Variants in RALGPS1 observed in about 807,000 individuals in gnomAD.
The protein encoded by RALGPS1 is Ral GEF with PH domain and SH3 binding motif 1, also known as ras-specific guanine nucleotide-releasing factor RalGPS1.
In RALGPS1, 19 loss-of-function variants were observed where a neutral mutation model predicts 78.8. That is an observed-to-expected ratio of 0.24 (90% confidence interval 0.17 to 0.35). The LOEUF (loss-of-function observed/expected upper bound fraction) is 0.35, where lower values mean the gene tolerates loss of function less well. Ranked by LOEUF, RALGPS1 falls within the 10% of genes least tolerant of loss-of-function variation. RALGPS1 has a pLI of 1.00. For missense variants in RALGPS1, 454 were observed against 688.3 expected (o/e 0.66, Z 3.81); for synonymous variants, 228 against 256.3 (o/e 0.89, Z 1.06).
intron 5 of RALGPS1, among the ~76,000 whole-genome samples, chr9:127,044,765 T>G (rs1319511010): frequency 1.3e-5 from 2 of 152,132 alleles, no homozygotes; most frequent in South Asian, 4.1e-4. Flanking sequence ...CCAGTGTGTG[T>G]TGTTCCCATC....
intron 4 of RALGPS1, among the ~76,000 whole-genome samples, chr9:127,014,066 C>T (rs925988964): frequency 7.9e-5 from 12 of 152,296 alleles, no homozygotes; most frequent in African/African-American, 2.9e-4. Context: ...GGAGGCACTC[C>T]GTGAAGACTG....
At chr9:127,206,795 A>G (rs2061957766) in intron 14 of RALGPS1, among the ~76,000 whole-genome samples, 1 of 152,034 alleles carries the variant, frequency 6.6e-6, no homozygotes, top group African/African-American at 2.4e-5. Flanking sequence ...CTACAACCTA[A>G]TGTGTACCTA....
At chr9:127,215,322 TGTTTGAGC>T (rs2062515945) in intron 18 of RALGPS1, among the ~76,000 whole-genome samples, 1 of 152,190 alleles carries the variant, frequency 6.6e-6, no homozygotes, top group Admixed American at 6.5e-5. Flanking sequence ...CTTCTCAGTG[TGTTTGAGC>T]CAGCAGGATC....
chr9:127,073,321 G>A (rs1424697308), intron 8 of RALGPS1, among the ~76,000 whole-genome samples: 3 of 152,070 alleles, frequency 2.0e-5, no homozygotes, highest in African/African-American at 7.2e-5. Flanking sequence ...GCACATATGA[G>A]TGAGAACATG....
intron 4 of RALGPS1, among the ~76,000 whole-genome samples, chr9:126,988,967 G>GGCC (rs2042042721): frequency 6.6e-6 from 1 of 152,130 alleles, no homozygotes; most frequent in Non-Finnish European, 1.5e-5. Context: ...GACAGCCGAT[G>GGCC]GCCTGAAAAA....
At position 127,134,138 on chromosome 9, in the gene RALGPS1, G is replaced by C. The variant is rs1295153160; in HGVS notation, c.611-31931G>C. Among the ~76,000 whole-genome samples, 7 of 152,210 alleles carry C rather than the reference G, an allele frequency of 4.6e-5. No homozygotes were observed. In the East Asian group the frequency reaches 1.4e-3, roughly 29 times the overall value. On this transcript the variant is annotated intron_variant, in intron 8 of 18. Transcript: ENST00000259351. ...TGCCGGCTCCTGCCTGGCCACGATG[G>C]GATGGCTGCCCACCCTCCACACACA...
intron 8 of RALGPS1, among the ~76,000 whole-genome samples, chr9:127,150,724 A>G (rs1472267789): frequency 1.3e-5 from 2 of 152,208 alleles, no homozygotes; most frequent in Non-Finnish European, 2.9e-5. Context: ...CCGAGCCCCA[A>G]AGAAAGGCGT....
chr9:127,131,236 T>A (rs2056984837), intron 8 of RALGPS1, among the ~76,000 whole-genome samples: 1 of 152,224 alleles, frequency 6.6e-6, no homozygotes, highest in Admixed American at 6.5e-5. Flanking sequence ...CCAGCTGAGA[T>A]TCCAGAAAGC....
chr9:127,141,876 A>G (rs979400463), intron 8 of RALGPS1, among the ~76,000 whole-genome samples: 23 of 152,236 alleles, frequency 1.5e-4, no homozygotes, highest in African/African-American at 5.1e-4. Flanking sequence ...ATGTAAATGA[A>G]TCATTGATAT....
intron 1 of RALGPS1, among the ~76,000 whole-genome samples, chr9:126,924,304 T>C (rs1452575853): frequency 2.6e-5 from 4 of 152,234 alleles, no homozygotes; most frequent in Non-Finnish European, 5.9e-5. Context: ...CAAACTTGAC[T>C]TAGCCCACAG....
chr9:126,964,490 A>G (rs983767551), intron 2 of RALGPS1, among the ~76,000 whole-genome samples: 9 of 151,932 alleles, frequency 5.9e-5, no homozygotes, highest in Admixed American at 3.3e-4. Flanking sequence ...AACCCGTACT[A>G]TAGCCCTGGG....
chr9:126,928,458 G>T (rs1001185851), intron 1 of RALGPS1, among the ~76,000 whole-genome samples: 1 of 152,192 alleles, frequency 6.6e-6, no homozygotes, highest in Non-Finnish European at 1.5e-5. Context: ...GAGGCAGGAT[G>T]ATGAGATATG....
At chr9:127,065,475 C>T (rs1462532112) in intron 7 of RALGPS1, among the ~76,000 whole-genome samples, 1 of 152,146 alleles carries the variant, frequency 6.6e-6, no homozygotes, top group Non-Finnish European at 1.5e-5. Flanking sequence ...AACTCCTGGC[C>T]TCCCAAAGTA....
chr9:126,953,685 A>G (rs2038079966), intron 1 of RALGPS1, among the ~76,000 whole-genome samples: 2 of 152,228 alleles, frequency 1.3e-5, no homozygotes, highest in South Asian at 4.1e-4. Context: ...TCTCAATGAC[A>G]ATGATCAGAC....
chr9:127,130,065 G>T (rs534554625), intron 8 of RALGPS1, among the ~76,000 whole-genome samples: 1 of 152,178 alleles, frequency 6.6e-6, no homozygotes, highest in South Asian at 2.1e-4. Flanking sequence ...GTGAGGACAC[G>T]TGTGTCACCA....
intron 1 of RALGPS1, among the ~76,000 whole-genome samples, chr9:126,923,861 T>C (rs1051256395): frequency 2.0e-5 from 3 of 152,260 alleles, no homozygotes; most frequent in Non-Finnish European, 4.4e-5. Context: ...AGTTACTTGC[T>C]GATTGATATG....
At chr9:127,075,048 C>A (rs1176893008) in intron 8 of RALGPS1, among the ~76,000 whole-genome samples, 2 of 152,256 alleles carry the variant, frequency 1.3e-5, no homozygotes, top group Non-Finnish European at 2.9e-5. Context: ...TGCCAGCCTT[C>A]AGGCCTCTTG....
chr9:127,208,184 G>A (rs1371591348), intron 14 of RALGPS1, among the ~76,000 whole-genome samples: 2 of 152,258 alleles, frequency 1.3e-5, no homozygotes, highest in African/African-American at 4.8e-5. Context: ...GGGCCACCAA[G>A]GGACCAGGAG....
At chr9:127,124,865 A>C (rs560309468) in intron 8 of RALGPS1, among the ~76,000 whole-genome samples, 1 of 152,258 alleles carries the variant, frequency 6.6e-6, no homozygotes, top group African/African-American at 2.4e-5. Context: ...GGACTTTCCC[A>C]CCCTCTGGTA....
Sources: allele counts gnomAD v4.1 joint callset (sites outside exome capture counted in the v4.1 genomes callset), GRCh38; gene constraint gnomAD v4.1.1; transcripts MANE v1.5; gene names NCBI Gene and HGNC (gene_info 2026-07-23, HGNC 2026-07-21).